Variants in EYA2 observed in about 807,000 individuals in gnomAD.
EYA2 encodes EYA transcriptional coactivator and phosphatase 2.
EYA2 carries 31 observed loss-of-function variants against 69.2 expected under a neutral mutation model. The observed-to-expected ratio is 0.45, with a 90% CI of 0.34 to 0.60. The LOEUF (loss-of-function observed/expected upper bound fraction) is 0.60. Ranked by LOEUF, EYA2 falls within the 20% of genes least tolerant of loss-of-function variation. The pLI is 0.02. For missense variants in EYA2, 622 were observed against 701.2 expected (o/e 0.89, Z 1.28); for synonymous variants, 257 against 279.4 (o/e 0.92, Z 0.80).
chr20:47,001,538 G>T (rs1982373061), intron 3 of EYA2, 65 bp downstream of exon 3: 2 of 1,539,448 alleles, frequency 1.3e-6, no homozygotes, highest in Non-Finnish European at 9.0e-7. Context: ...GAAGGTAGAG[G>T]TTAAGAGAGA....
At chr20:47,031,925 G>C (rs945625742) in intron 5 of EYA2, among the ~76,000 whole-genome samples, 2 of 152,216 alleles carry the variant, frequency 1.3e-5, no homozygotes, top group Non-Finnish European at 2.9e-5. Flanking sequence ...CAAGGAACAA[G>C]TCCCTGCCCT....
intron 9 of EYA2, among the ~76,000 whole-genome samples, chr20:47,136,682 G>A (rs776627075): frequency 6.6e-6 from 1 of 151,022 alleles, no homozygotes; most frequent in African/African-American, 2.4e-5. Flanking sequence ...GTTCAAGGCT[G>A]CATTGAGCTA....
chr20:46,972,563 T>A (rs992162705), intron 1 of EYA2, among the ~76,000 whole-genome samples: 1 of 152,208 alleles, frequency 6.6e-6, no homozygotes, highest in African/African-American at 2.4e-5. Context: ...AGAAGAGCAC[T>A]TACTCTGTAT....
chr20:47,056,371 T>C (rs949696702), intron 5 of EYA2, among the ~76,000 whole-genome samples: 2 of 152,186 alleles, frequency 1.3e-5, no homozygotes, highest in African/African-American at 4.8e-5. Flanking sequence ...ATTGTTTTTT[T>C]TTTTTTAACC....
chr20:47,172,107 TAAAAAA>T (rs200935631), intron 11 of EYA2, among the ~76,000 whole-genome samples: 1 of 141,966 alleles, frequency 7.0e-6, no homozygotes, highest in Admixed American at 7.1e-5. Context: ...TCAAAATAAA[TAAAAAA>T]AAATAAAAAA....
intron 1 of EYA2, among the ~76,000 whole-genome samples, chr20:46,895,539 T>A (rs1384938029): frequency 6.6e-6 from 1 of 152,240 alleles, no homozygotes; most frequent in Non-Finnish European, 1.5e-5. Context: ...CCGCTCTGGT[T>A]CAGGTCTGGG....
At chr20:47,129,719 C>T (rs1039132723) in intron 9 of EYA2, among the ~76,000 whole-genome samples, 2 of 152,120 alleles carry the variant, frequency 1.3e-5, no homozygotes, top group African/African-American at 4.8e-5. Flanking sequence ...CAGAGGGGCT[C>T]CTTGTCTTCC....
intron 10 of EYA2, among the ~76,000 whole-genome samples, chr20:47,148,406 G>A (rs867816663): frequency 2.2e-4 from 33 of 152,196 alleles, no homozygotes; most frequent in African/African-American, 8.0e-4. Flanking sequence ...TGTCCCTGGG[G>A]ATAGGCAAGT....
rs534024685 is a variant in EYA2, at chr20:47,159,677, G to A, written c.979-9462G>A. ...TATGGGAACTCTCTGTACTATCTTT[G>A]CAACTTTTCTGTAAATCTAAAACTA... On this transcript the variant is annotated intron_variant, in intron 10 of 15. Transcript: ENST00000327619. Among the ~76,000 whole-genome samples the A allele has an allele frequency of 1.4e-4, 22 of 152,162 alleles. 3 individuals carry two copies. The East Asian group carries it at 4.1e-3, about 28-fold the overall frequency.
intron 1 of EYA2, among the ~76,000 whole-genome samples, chr20:46,914,145 C>T (rs994380597): frequency 3.3e-5 from 5 of 152,216 alleles, no homozygotes; most frequent in South Asian, 2.1e-4. Flanking sequence ...AGCTGTCCAG[C>T]GGTTAACGCT....
intron 5 of EYA2, among the ~76,000 whole-genome samples, chr20:47,045,689 A>G (rs1046799850): frequency 1.3e-5 from 2 of 152,230 alleles, no homozygotes; most frequent in Admixed American, 1.3e-4. Context: ...TGGAATTGCT[A>G]TGGAACCAAG....
chr20:47,035,806 G>A (rs1038880297), intron 5 of EYA2, among the ~76,000 whole-genome samples: 3 of 151,438 alleles, frequency 2.0e-5, no homozygotes, highest in East Asian at 1.9e-4. Flanking sequence ...CTAGAAGTTC[G>A]AGACCAGCCT....
intron 5 of EYA2, among the ~76,000 whole-genome samples, chr20:47,030,081 T>C (rs765750061): frequency 6.6e-6 from 1 of 152,188 alleles, no homozygotes; most frequent in African/African-American, 2.4e-5. Flanking sequence ...TCCAAGACAG[T>C]GTTATTTACA....
chr20:47,090,325 C>T (rs891426156), intron 8 of EYA2, among the ~76,000 whole-genome samples: 10 of 151,582 alleles, frequency 6.6e-5, no homozygotes, highest in African/African-American at 2.4e-4. Context: ...CCGCAACCTC[C>T]ACCTCCCAGG....
At chr20:46,998,968 A>G (rs1982197406) in intron 2 of EYA2, among the ~76,000 whole-genome samples, 1 of 152,100 alleles carries the variant, frequency 6.6e-6, no homozygotes, top group African/African-American at 2.4e-5. Context: ...AGGTCTGCGT[A>G]GTGGGGGAGG....
chr20:47,000,881 A>G, intron 2 of EYA2, among the ~76,000 whole-genome samples: 1 of 152,142 alleles, frequency 6.6e-6, no homozygotes, highest in East Asian at 1.9e-4. Flanking sequence ...ATGGACTGGA[A>G]GTGAGGAGGC....
intron 9 of EYA2, among the ~76,000 whole-genome samples, chr20:47,109,155 C>G (rs1600715318): frequency 6.6e-6 from 1 of 152,166 alleles, no homozygotes. Context: ...GGGTCTCCCC[C>G]TGAAGAGACC....
intron 12 of EYA2, among the ~76,000 whole-genome samples, chr20:47,175,204 G>T (rs58733120): frequency 7.9e-5 from 12 of 152,184 alleles, no homozygotes; most frequent in African/African-American, 2.9e-4. Flanking sequence ...GAACTAGCCA[G>T]GTGCATGGCC....
intron 1 of EYA2, among the ~76,000 whole-genome samples, chr20:46,985,072 T>C (rs759746485): frequency 2.6e-5 from 4 of 152,250 alleles, no homozygotes; most frequent in Non-Finnish European, 4.4e-5. Context: ...CATGGCATCA[T>C]TTATAAGGAA....
Sources: gnomAD v4.1 joint callset for allele counts (sites outside exome capture counted in the v4.1 genomes callset) on GRCh38, gnomAD v4.1.1 for gene constraint, MANE v1.5 for transcripts, NCBI Gene and HGNC (gene_info 2026-07-23, HGNC 2026-07-21) for gene names.